ATRN: variants seen among roughly 807,000 people sequenced by gnomAD.
The protein encoded by ATRN is attractin.
Under a neutral mutation model 178.7 loss-of-function variants are expected in ATRN, and 54 were observed. The observed-to-expected ratio is 0.30, with a 90% CI of 0.24 to 0.38. The LOEUF (loss-of-function observed/expected upper bound fraction) is 0.38, where lower values mean the gene tolerates loss of function less well. Among genes scored for constraint, ATRN ranks in the 10% least tolerant of loss-of-function variants. ATRN has a pLI of 1.00. For missense variants in ATRN, 1,443 were observed against 1,815.1 expected (o/e 0.79, Z 3.73); for synonymous variants, 636 against 663.0 (o/e 0.96, Z 0.63).
At chr20:3,592,641 A>T (rs2086465451) in intron 19 of ATRN, among the ~76,000 whole-genome samples, 1 of 152,168 alleles carries the variant, frequency 6.6e-6, no homozygotes, top group Non-Finnish European at 1.5e-5. Flanking sequence ...TACTCCCCAG[A>T]TCCCAACTCC....
intron 19 of ATRN, among the ~76,000 whole-genome samples, 193 bp from the exon 20 acceptor site, chr20:3,594,286 G>T (rs2086492717): frequency 6.6e-6 from 1 of 152,186 alleles, no homozygotes; most frequent in Admixed American, 6.5e-5. Flanking sequence ...CCTTTGTTTG[G>T]TTCCTTTAAT....
intron 8 of ATRN, 142 bp downstream of exon 8, chr20:3,561,047 G>C (rs184192446): frequency 8.9e-7 from 1 of 1,128,376 alleles, no homozygotes; most frequent in East Asian, 2.5e-5. Context: ...GGGCCCAGGC[G>C]TGGTGGCCCA....
At chr20:3,590,546 A>G (rs2086426996) in intron 18 of ATRN, among the ~76,000 whole-genome samples, 1 of 152,222 alleles carries the variant, frequency 6.6e-6, no homozygotes, top group African/African-American at 2.4e-5. Flanking sequence ...GAGTCTTAGT[A>G]ATCCCACTTG....
At position 3,592,596 on chromosome 20, in the gene ATRN, G is replaced by A. The variant is rs1053604580; in HGVS notation, c.3322+1290G>A. 13 of 620,822 alleles carry A rather than the reference G, an allele frequency of 2.1e-5. No individual in the cohort carries two copies. In the African/African-American group the frequency reaches 2.6e-4, roughly 13 times the overall value. 38.5% of individuals were successfully genotyped at this position (620,822 alleles called of 1,614,324 possible). On this transcript the variant is annotated intron_variant, in intron 19 of 28. Coordinates refer to ENST00000262919, the MANE Select transcript of ATRN (RefSeq NM_139321.3). ...GTCGAAAGACTTTTCAAAGTTCTGA[G>A]CAGGAAAAGTAAACAACATAGGGAA...
intron 14 of ATRN, 23 bp downstream of exon 14, chr20:3,577,020 G>GGT: frequency 6.2e-7 from 1 of 1,612,362 alleles, no homozygotes; most frequent in Non-Finnish European, 8.5e-7. Context: ...GGGTCATCTT[G>GGT]GTGTGTGTGG....
chr20:3,585,000 A>C, intron 18 of ATRN, 120 bp downstream of exon 18: 2 of 937,562 alleles, frequency 2.1e-6, no homozygotes, highest in Non-Finnish European at 3.3e-6. Context: ...CTTCCTCCTA[A>C]TGGTTGGTAC....
chr20:3,611,100 G>A (rs965944385), intron 24 of ATRN, among the ~76,000 whole-genome samples: 1 of 152,022 alleles, frequency 6.6e-6, no homozygotes, highest in African/African-American at 2.4e-5. Flanking sequence ...AAAAAATATA[G>A]GAGAAAATCT....
intron 22 of ATRN, among the ~76,000 whole-genome samples, 176 bp from the exon 23 acceptor site, chr20:3,600,770 A>AT (rs2086597147): frequency 6.6e-6 from 1 of 152,152 alleles, no homozygotes; most frequent in Non-Finnish European, 1.5e-5. Flanking sequence ...ATTGGCATAT[A>AT]TTGCTTGTAT....
intron 1 of ATRN, chr20:3,489,697 C>T: frequency 6.3e-7 from 1 of 1,576,780 alleles, no homozygotes; most frequent in South Asian, 1.1e-5. Context: ...GTCACATTAG[C>T]AAAGTGAGCA....
chr20:3,646,775 G>A lies in ATRN; in HGVS notation c.4218G>A (p.Val1406=), dbSNP rs373572320. The A allele has an allele frequency of 1.0e-4, 164 of 1,609,086 alleles. No individual in the cohort carries two copies. Among genetic ancestry groups the A allele is most frequent in the Non-Finnish European group, 1.4e-4 (162 of 1,177,796 alleles). ...ACATTTCTCAGCAGATGCCGATAGT[G>A]TACAAGGAGAAGTCAGGAGCCGTGA... ...LVDISQQMPI[V]YKEKSGAVRN... Residue 1406 remains valine (V), a synonymous_variant, in exon 29 of 29, where the codon GTG becomes GTA. Coordinates refer to ENST00000262919, the MANE Select transcript of ATRN (RefSeq NM_139321.3).
intron 18 of ATRN, among the ~76,000 whole-genome samples, chr20:3,586,887 C>A (rs1175184608): frequency 6.6e-6 from 1 of 152,208 alleles, no homozygotes; most frequent in Non-Finnish European, 1.5e-5. Context: ...TATCTTTCCA[C>A]ATCCTTGCCA....
chr20:3,511,518 C>T (rs761142524), intron 1 of ATRN, among the ~76,000 whole-genome samples: 23 of 151,446 alleles, frequency 1.5e-4, no homozygotes, highest in Non-Finnish European at 2.8e-4. Flanking sequence ...ACAGTAAATA[C>T]TCATAGGAGG....
intron 15 of ATRN, among the ~76,000 whole-genome samples, chr20:3,581,637 A>G (rs1746812045): frequency 6.6e-6 from 1 of 152,052 alleles, no homozygotes; most frequent in South Asian, 2.1e-4. Flanking sequence ...TCATGTTGGC[A>G]CTCAAAAAGT....
rs899902568 is a variant in ATRN, at chr20:3,523,410, G to A, written c.411-11843G>A. On this transcript the variant is annotated intron_variant, in intron 1 of 28. Coordinates refer to ENST00000262919, the MANE Select transcript of ATRN (RefSeq NM_139321.3). ...CAAACAAAGCCTCCAAGAAATATGG[G>A]ACTATGTGAAAAGACCAAACCTGCG... Among the ~76,000 whole-genome samples, 5 of 152,214 alleles carry A rather than the reference G, an allele frequency of 3.3e-5. No individual in the cohort carries two copies. The East Asian group carries it at 9.7e-4, about 29-fold the overall frequency.
chr20:3,567,584 G>A (rs1040033849), intron 11 of ATRN, among the ~76,000 whole-genome samples: 38 of 152,150 alleles, frequency 2.5e-4, no homozygotes, highest in Non-Finnish European at 7.4e-5. Flanking sequence ...CCTGAGGGAG[G>A]CCAGCTACTA....
At chr20:3,532,614 A>G (rs1358574953) in intron 1 of ATRN, among the ~76,000 whole-genome samples, 2 of 152,150 alleles carry the variant, frequency 1.3e-5, no homozygotes, top group Non-Finnish European at 2.9e-5. Flanking sequence ...ACTTGATTAT[A>G]GTATTGTAGA....
chr20:3,552,729 C>A (rs574787669), intron 6 of ATRN, among the ~76,000 whole-genome samples: 1 of 152,228 alleles, frequency 6.6e-6, no homozygotes, highest in East Asian at 1.9e-4. Flanking sequence ...AATCAATTTC[C>A]TTGTAGTTAT....
intron 1 of ATRN, among the ~76,000 whole-genome samples, chr20:3,478,183 C>G (rs1017756486): frequency 6.6e-6 from 1 of 152,146 alleles, no homozygotes; most frequent in Non-Finnish European, 1.5e-5. Flanking sequence ...TGTTTTCTTA[C>G]ACCTGCAGAG....
At chr20:3,639,015 A>G in intron 27 of ATRN, 80 bp downstream of exon 27, 1 of 1,130,348 alleles carries the variant, frequency 8.8e-7, no homozygotes. Flanking sequence ...AGAGAGAGCA[A>G]AAGCCCTATT....
Sources: gnomAD v4.1 joint callset for allele counts (sites outside exome capture counted in the v4.1 genomes callset) on GRCh38, gnomAD v4.1.1 for gene constraint, MANE v1.5 for transcripts, NCBI Gene and HGNC (gene_info 2026-07-23, HGNC 2026-07-21) for gene names.